Variants in ADGRV1 observed in about 807,000 individuals in gnomAD.
The protein encoded by ADGRV1 is G-protein coupled receptor 98.
A neutral mutation model predicts 596.2 loss-of-function variants in ADGRV1; 359 were observed. That is an observed-to-expected ratio of 0.60 (90% CI 0.55 to 0.66). The LOEUF (loss-of-function observed/expected upper bound fraction) is 0.66. Among genes scored for constraint, ADGRV1 ranks in the 30% least tolerant of loss-of-function variants. ADGRV1 has a pLI of 0.00. For missense variants in ADGRV1, 7,274 were observed against 7,575.6 expected (o/e 0.96, Z 1.48); for synonymous variants, 2,681 against 2,679.2 (o/e 1.00, Z -0.02).
At chr5:90,946,615 C>T (rs577687223) in intron 83 of ADGRV1, among the ~76,000 whole-genome samples, 1 of 152,042 alleles carries the variant, frequency 6.6e-6, no homozygotes, top group South Asian at 2.1e-4. Flanking sequence ...TCCCTCCCCC[C>T]ACTCCCCACA....
intron 59 of ADGRV1, among the ~76,000 whole-genome samples, chr5:90,765,875 T>G (rs1408654612): frequency 6.6e-6 from 1 of 151,446 alleles, no homozygotes; most frequent in Admixed American, 6.6e-5. Flanking sequence ...GGCTGTTTTT[T>G]TTTTTAATTT....
At chr5:91,042,616 A>G (rs1360430237) in intron 85 of ADGRV1, among the ~76,000 whole-genome samples, 1 of 152,154 alleles carries the variant, frequency 6.6e-6, no homozygotes, top group Non-Finnish European at 1.5e-5. Flanking sequence ...TACACGTGCC[A>G]TGGTGGTTTG....
intron 87 of ADGRV1, among the ~76,000 whole-genome samples, chr5:91,142,256 C>A (rs1375106792): frequency 6.6e-6 from 1 of 151,830 alleles, no homozygotes; most frequent in Non-Finnish European, 1.5e-5. Context: ...CTCCTGCATG[C>A]CAGGGACCAT....
chr5:90,604,443 T>C (rs1761820094), intron 1 of ADGRV1, among the ~76,000 whole-genome samples: 1 of 152,142 alleles, frequency 6.6e-6, no homozygotes, highest in African/African-American at 2.4e-5. Context: ...TAGATAATAC[T>C]ACTGAATTTC....
chr5:91,116,009 C>A (rs1427740566), intron 87 of ADGRV1, among the ~76,000 whole-genome samples: 2 of 152,094 alleles, frequency 1.3e-5, no homozygotes, highest in Non-Finnish European at 2.9e-5. Context: ...ACTAAAGGTA[C>A]TTGCGCCAAA....
At chr5:90,989,586 T>A (rs1780798135) in intron 85 of ADGRV1, among the ~76,000 whole-genome samples, 1 of 152,214 alleles carries the variant, frequency 6.6e-6, no homozygotes, top group African/African-American at 2.4e-5. Context: ...TATCTATAAT[T>A]TCTTCATTTT....
chr5:91,058,282 T>C (rs77058932), intron 85 of ADGRV1, among the ~76,000 whole-genome samples: 19,262 of 152,004 alleles, frequency 0.13, 1,520 homozygotes, highest in Admixed American at 0.27. Flanking sequence ...AAGGAACTTA[T>C]TTTTTAAAGA....
chr5:90,919,746 G>A (rs1773704262), intron 83 of ADGRV1, among the ~76,000 whole-genome samples: 1 of 152,134 alleles, frequency 6.6e-6, no homozygotes, highest in Non-Finnish European at 1.5e-5. Context: ...TGTAATCCCA[G>A]CACTTTGGGA....
At chr5:90,777,851 A>G in intron 61 of ADGRV1, 54 bp from the exon 62 acceptor site, 1 of 1,457,702 alleles carries the variant, frequency 6.9e-7, no homozygotes, top group Non-Finnish European at 9.2e-7. Flanking sequence ...AAAATGTTTA[A>G]GAAAAGTACC....
rs1408941260 is a variant in ADGRV1 at position 90,811,230 on chromosome 5, G to C, written c.15970G>C (p.Gly5324Arg). Residue 5324 changes from glycine (G) to arginine (R), a missense_variant, in exon 74 of 90, where the codon GGG (glycine) becomes CGG (arginine). Transcript: ENST00000405460. ...AATTTTGGATGATGATGAGCCTGAG[G>C]GGCAGGAATTCTTCTACGTGTTTCT... ...VQILDDDEPE[G>R]QEFFYVFLTN... The C allele has an allele frequency of 1.9e-6, 3 of 1,612,810 alleles. No individual in the cohort carries two copies. The highest frequency in any genetic ancestry group is 2.5e-6 in the Non-Finnish European group (3 of 1,179,304).
chr5:90,686,172 G>T (rs1200075649), intron 29 of ADGRV1, among the ~76,000 whole-genome samples, 177 bp downstream of exon 29: 1 of 150,042 alleles, frequency 6.7e-6, no homozygotes, highest in Admixed American at 6.6e-5. Context: ...TGGGGGGGGG[G>T]ATGGAGTCTC....
At chr5:90,767,959 T>C (rs1757320125) in intron 59 of ADGRV1, among the ~76,000 whole-genome samples, 1 of 152,216 alleles carries the variant, frequency 6.6e-6, no homozygotes, top group Non-Finnish European at 1.5e-5. Flanking sequence ...TTGTGTGCCC[T>C]AGCCATGATC....
chr5:90,796,770 T>C (rs1760764059), intron 70 of ADGRV1, among the ~76,000 whole-genome samples: 1 of 152,132 alleles, frequency 6.6e-6, no homozygotes, highest in Non-Finnish European at 1.5e-5. Flanking sequence ...AAACAGCCGA[T>C]CTCTCAGCAC....
At chr5:90,998,328 T>C (rs546847835) in intron 85 of ADGRV1, among the ~76,000 whole-genome samples, 1 of 151,860 alleles carries the variant, frequency 6.6e-6, no homozygotes, top group South Asian at 2.1e-4. Flanking sequence ...TAAGCATTAT[T>C]TTTTTTTACA....
At chr5:90,848,922 G>A in intron 79 of ADGRV1, 101 bp downstream of exon 79, 1 of 787,360 alleles carries the variant, frequency 1.3e-6, no homozygotes, top group Non-Finnish European at 2.0e-6. Flanking sequence ...ATGTAACTAA[G>A]AATGATACAG....
rs768201036 is a variant in ADGRV1, at chr5:90,683,938, G to T, written c.6017G>T (p.Gly2006Val). The T allele has an allele frequency of 2.0e-5, 33 of 1,613,750 alleles. No homozygotes were observed. The highest frequency in any genetic ancestry group is 2.7e-5 in the African/African-American group (2 of 74,994). The change falls in exon 28 of 90, where the codon GGC (glycine) becomes GTC (valine). Residue 2006 changes from glycine (G) to valine (V), a missense_variant. Coordinates refer to ENST00000405460, the MANE Select transcript of ADGRV1 (RefSeq NM_032119.4). ...NITLSIIRLK[G>V]LMGKVLVSYA... is the part of the protein sequence containing the mutation. ...ACACTATCAATAATAAGGTTGAAAGGCCTCATGGGAAAAGTCCTTGTCTCA... is the reference window on the plus strand; with the variant it reads ...ACACTATCAATAATAAGGTTGAAAGTCCTCATGGGAAAAGTCCTTGTCTCA...
At position 90,774,279 on chromosome 5, in the gene ADGRV1, G is replaced by A. The variant is rs372601452; in HGVS notation, c.12379G>A (p.Glu4127Lys). ...CACCATTCAGCTGATATCAATTGATGAGGTAGAAATATCTCCAGTAAAAGG... is the reference window on the plus strand; with the variant it reads ...CACCATTCAGCTGATATCAATTGATAAGGTAGAAATATCTCCAGTAAAAGG... ...RFTIQLISID[E>K]VEISPVKGSA... The change falls in exon 60 of 90, where the codon GAG (glutamate) becomes AAG (lysine). Residue 4127 changes from glutamate (E) to lysine (K), a missense_variant. Transcript: ENST00000405460. The A allele has an allele frequency of 2.4e-5, 38 of 1,586,208 alleles. No individual in the cohort carries two copies. Among genetic ancestry groups the A allele is most frequent in the Non-Finnish European group, 3.1e-5 (36 of 1,155,108 alleles).
intron 83 of ADGRV1, among the ~76,000 whole-genome samples, chr5:90,912,191 A>G (rs1417458053): frequency 6.6e-6 from 1 of 152,038 alleles, no homozygotes; most frequent in Admixed American, 6.6e-5. Flanking sequence ...GGAGAAAGTA[A>G]CTTCTCAAAA....
At chr5:90,895,063 T>TGACC (rs1344178342) in intron 83 of ADGRV1, among the ~76,000 whole-genome samples, 1 of 151,994 alleles carries the variant, frequency 6.6e-6, no homozygotes, top group Non-Finnish European at 1.5e-5. Context: ...TGAGCAGCTG[T>TGACC]GACCACAAGC....
Sources: gnomAD v4.1 joint callset for allele counts (sites outside exome capture counted in the v4.1 genomes callset) on GRCh38, gnomAD v4.1.1 for gene constraint, MANE v1.5 for transcripts, NCBI Gene and HGNC (gene_info 2026-07-23, HGNC 2026-07-21) for gene names.